FNDC1: variants seen among roughly 807,000 people sequenced by gnomAD.
FNDC1 encodes the protein fibronectin type III domain-containing protein 1.
Under a neutral mutation model 168.0 loss-of-function variants are expected in FNDC1, and 96 were observed. That is an observed-to-expected ratio of 0.57 (90% CI 0.48 to 0.68). The LOEUF is 0.68. FNDC1 is among the 30% of genes least tolerant of loss of function. The pLI, the probability that FNDC1 is intolerant of heterozygous loss-of-function variation, is 0.00. For synonymous variants in FNDC1, 1,099 were observed against 1,025.9 expected, an observed-to-expected ratio of 1.07 and a Z score of -1.36; for missense variants, 2,587 against 2,482.1, an observed-to-expected ratio of 1.04 and a Z score of -0.90.
At chr6:159,250,369 T>C (rs1383620726) in intron 16 of FNDC1, among the ~76,000 whole-genome samples, 1 of 152,206 alleles carries the variant, frequency 6.6e-6, no homozygotes, top group Non-Finnish European at 1.5e-5. Context: ...AAAAGTCAAA[T>C]AGAGAAACTA....
At chr6:159,173,486 G>C (rs887626009) in intron 1 of FNDC1, among the ~76,000 whole-genome samples, 1 of 152,214 alleles carries the variant, frequency 6.6e-6, no homozygotes, top group Non-Finnish European at 1.5e-5. Context: ...TTCATCAACT[G>C]ATCATGAAAT....
chr6:159,216,422 C>T (rs940026326), intron 5 of FNDC1, among the ~76,000 whole-genome samples: 2 of 152,222 alleles, frequency 1.3e-5, no homozygotes, highest in African/African-American at 4.8e-5. Context: ...TGTGCTCCTT[C>T]TGGCCTGGAG....
At chr6:159,181,484 T>C (rs143500294) in intron 1 of FNDC1, among the ~76,000 whole-genome samples, 87 of 152,362 alleles carry the variant, frequency 5.7e-4, no homozygotes, top group African/African-American at 2.0e-3. Context: ...GCTCTGGGGT[T>C]ACAAAGATTT....
At position 159,233,877 on chromosome 6, in the gene FNDC1, G is replaced by T. The variant is rs775620954; in HGVS notation, c.3365G>T (p.Gly1122Val). Residue 1122 changes from glycine (G) to valine (V), a missense_variant, in exon 11 of 23, where the codon GGT becomes GTT. Transcript: ENST00000297267. This position sits in a 1 kb window ranked among gnomAD's most constrained non-coding sequence, Gnocchi z 4.6. Reference sequence around the variant, plus strand: ...GAGTCTCCCACAGGCGCAGGGGCAGGTGGCGACCACAGGTCCCAGCGCGGA... The same window carrying T: ...GAGTCTCCCACAGGCGCAGGGGCAGTTGGCGACCACAGGTCCCAGCGCGGA... ...QVESPTGAGA[G>V]GDHRSQRGHA... 9.0e-6 allele frequency: 14 copies of T among 1,547,510 alleles called. No homozygotes were observed. Among genetic ancestry groups the T allele is most frequent in the Non-Finnish European group, 1.2e-5 (14 of 1,145,406 alleles).
chr6:159,269,847 C>T (rs1195756936), intron 22 of FNDC1, among the ~76,000 whole-genome samples: 1 of 152,054 alleles, frequency 6.6e-6, no homozygotes, highest in Non-Finnish European at 1.5e-5. Flanking sequence ...TTGGACAAGG[C>T]CCACCCACAA....
intron 5 of FNDC1, among the ~76,000 whole-genome samples, chr6:159,220,132 A>G (rs2114974019): frequency 6.6e-6 from 1 of 152,374 alleles, no homozygotes. Flanking sequence ...TTCTCTCTGT[A>G]GAGAGCAGGC....
intron 4 of FNDC1, among the ~76,000 whole-genome samples, chr6:159,201,325 C>G (rs1782373008): frequency 6.6e-6 from 1 of 152,046 alleles, no homozygotes; most frequent in Admixed American, 6.5e-5. Context: ...ATGATGAAAC[C>G]AATGATGATT....
Position 159,233,818 on chromosome 6 carries a change from G to A in FNDC1, c.3306G>A (p.Glu1102=), listed in dbSNP as rs1245323294. The A allele has an allele frequency of 6.5e-7, 1 of 1,540,834 alleles. No individual in the cohort carries two copies. Among genetic ancestry groups the A allele is most frequent in the Non-Finnish European group, 8.8e-7 (1 of 1,142,588 alleles). ...CCGCGCACGCCGCGCGCGCCAAGGA[G>A]GCAGCTGCGTCCCTTCCCAAGCACC... ...RAPAHAARAK[E]AAASLPKHQQ... Residue 1102 remains glutamate, a synonymous_variant, in exon 11 of 23, where the codon GAG becomes GAA. Coordinates refer to ENST00000297267, the MANE Select transcript of FNDC1 (RefSeq NM_032532.3). This position sits in a 1 kb window ranked among gnomAD's most constrained non-coding sequence, Gnocchi z 4.6.
chr6:159,248,959 A>C, intron 15 of FNDC1, 80 bp from the exon 16 acceptor site: 1 of 1,375,418 alleles, frequency 7.3e-7, no homozygotes, highest in Non-Finnish European at 9.8e-7. Context: ...CTACAGTTGA[A>C]TGTAAGAAGG....
intron 18 of FNDC1, among the ~76,000 whole-genome samples, chr6:159,259,156 T>C (rs1030233327): frequency 6.6e-6 from 1 of 152,256 alleles, no homozygotes. Context: ...CTTTTGTTAC[T>C]TGGCTGAGGC....
Position 159,272,090 on chromosome 6 carries a change from T to C in FNDC1, c.*648T>C, listed in dbSNP as rs1184349778. ...AAGAATATTGATTAAAATTGCTAAA[T>C]TTGTACTTGTTCACCAGATAAATGT... On this transcript the variant is annotated 3_prime_UTR_variant, in exon 23 of 23. Transcript: ENST00000297267. The C allele has an allele frequency of 6.6e-6, 1 of 152,290 alleles. No homozygotes were observed. The highest frequency in any genetic ancestry group is 1.5e-5 in the Non-Finnish European group (1 of 68,110). The allele number at this position is 152,290 out of a possible 1,614,324, so 9.4% of individuals were successfully genotyped here.
intron 1 of FNDC1, 116 bp from the exon 2 acceptor site, chr6:159,197,315 G>T: frequency 1.0e-6 from 1 of 995,836 alleles, no homozygotes; most frequent in South Asian, 1.6e-5. Flanking sequence ...AAAGTCTTTC[G>T]GATCATACTG....
intron 1 of FNDC1, among the ~76,000 whole-genome samples, chr6:159,184,125 G>A (rs562455023): frequency 4.6e-5 from 7 of 152,284 alleles, no homozygotes; most frequent in Non-Finnish European, 5.9e-5. Flanking sequence ...ATAAAAATGC[G>A]AACACCAAAG....
chr6:159,249,087 C>G lies in FNDC1; in HGVS notation c.4739C>G (p.Thr1580Ser), dbSNP rs1416226411. 1 of 1,606,056 alleles carries G rather than the reference C, an allele frequency of 6.2e-7. No individual in the cohort carries two copies. The highest frequency in any genetic ancestry group is 8.5e-7 in the Non-Finnish European group (1 of 1,176,134). The part of the protein sequence containing the change: ...SRPPTTTEPS[T>S]TATTPRVIPE... Reference sequence around the variant, plus strand: ...CCACCAACCACCACTGAGCCTTCGACCACTGCTACCACACCGAGGGTGATC... The same window carrying G: ...CCACCAACCACCACTGAGCCTTCGAGCACTGCTACCACACCGAGGGTGATC... Residue 1580 changes from threonine (T) to serine (S), a missense_variant, in exon 16 of 23, where the codon ACC becomes AGC. Coordinates refer to ENST00000297267, the MANE Select transcript of FNDC1 (RefSeq NM_032532.3).
chr6:159,213,869 A>G lies in FNDC1; in HGVS notation c.461-1076A>G, dbSNP rs569491919. Among the ~76,000 whole-genome samples, 4 of 152,338 alleles carry G rather than the reference A, an allele frequency of 2.6e-5. No homozygotes were observed. In the South Asian group the frequency reaches 8.3e-4, roughly 32 times the overall value. On this transcript the variant is annotated intron_variant, in intron 4 of 22. Transcript: ENST00000297267. Reference sequence around the variant, plus strand: ...GATATTCCTTTTGGTTAGATTCAGGACGTTGGAACCAGGTGTCTGCCATTT... The same window carrying G: ...GATATTCCTTTTGGTTAGATTCAGGGCGTTGGAACCAGGTGTCTGCCATTT...
chr6:159,188,015 G>A (rs1022770341), intron 1 of FNDC1, among the ~76,000 whole-genome samples: 9 of 152,136 alleles, frequency 5.9e-5, no homozygotes, highest in African/African-American at 2.2e-4. Flanking sequence ...CCAAGATGTG[G>A]TTACACTGAG....
In FNDC1 at chr6:159,233,177, G is replaced by A. The variant is rs370461230; in HGVS notation, c.2665G>A (p.Val889Ile). 9.9e-6 allele frequency: 16 copies of A among 1,610,182 alleles called. No homozygotes were observed. The African/African-American group carries it at 1.2e-4, about 12-fold the overall frequency. ...EEDEKPLPAT[V>I]VNDHVPSSSR... is the part of the protein sequence containing the mutation. The stretch of plus-strand genomic sequence containing the variant: ...GGATGAGAAGCCGCTTCCTGCCACC[G>A]TTGTCAATGACCACGTGCCTTCCTC... The change falls in exon 11 of 23, where the codon GTT (valine) becomes ATT (isoleucine). Residue 889 changes from valine to isoleucine, a missense_variant. Transcript: ENST00000297267. The surrounding 1 kb of genome is among the most constrained non-coding windows in gnomAD (Gnocchi z 4.6).
At chr6:159,218,262 G>C (rs1304330742) in intron 5 of FNDC1, 2 of 152,208 alleles carry the variant, frequency 1.3e-5, no homozygotes, top group Admixed American at 1.3e-4. Flanking sequence ...CTGCCTGAAC[G>C]TGAGCAAATA....
chr6:159,232,895 G>C lies in FNDC1; in HGVS notation c.2383G>C (p.Glu795Gln), dbSNP rs1280227929. 1 of 1,612,786 alleles carries C rather than the reference G, an allele frequency of 6.2e-7. No individual in the cohort carries two copies. The highest frequency in any genetic ancestry group is 1.3e-5 in the African/African-American group (1 of 75,066). ...TGAAAGCCACGGTGACGGCGATAGG[G>C]AAGACGGCGGAAGGCAGGCGGAGGC... The part of the protein sequence containing the change: ...DGESHGDGDR[E>Q]DGGRQAEATA... The change falls in exon 11 of 23, where the codon GAA becomes CAA. Residue 795 changes from glutamate (E) to glutamine (Q), a missense_variant. By Grantham distance (29) the Glu-to-Gln change is conservative. Coordinates refer to ENST00000297267, the MANE Select transcript of FNDC1 (RefSeq NM_032532.3). The surrounding 1 kb of genome is among the most constrained non-coding windows in gnomAD (Gnocchi z 4.9).
Sources: gnomAD v4.1 joint callset for allele counts (sites outside exome capture counted in the v4.1 genomes callset) on GRCh38, gnomAD v4.1.1 for gene constraint, Gnocchi (gnomAD v3.1) non-coding constraint, MANE v1.5 for transcripts, NCBI Gene and HGNC (gene_info 2026-07-23, HGNC 2026-07-21) for gene names.